MPP7: variants seen among roughly 807,000 people sequenced by gnomAD.
MPP7 encodes MAGUK p55 scaffold protein 7.
In MPP7, 60 loss-of-function variants were observed where a neutral mutation model predicts 76.5. The ratio of observed to expected loss-of-function variants is 0.78; its 90% CI spans 0.64 to 0.97. The LOEUF (loss-of-function observed/expected upper bound fraction) is 0.97, where lower values mean the gene tolerates loss of function less well. Among genes scored for constraint, MPP7 ranks in the 50% least tolerant of loss-of-function variants. The pLI is 0.00. For synonymous variants in MPP7, 237 were observed against 244.5 expected (o/e 0.97, Z 0.29); for missense variants, 641 against 694.0 (o/e 0.92, Z 0.86).
At chr10:28,170,342 T>A (rs185363733) in intron 3 of MPP7, among the ~76,000 whole-genome samples, 184 of 151,914 alleles carry the variant, frequency 1.2e-3, no homozygotes, top group Middle Eastern at 3.4e-3. Context: ...TTTTTTTTAA[T>A]TTTTTTATAT....
At chr10:28,307,297 A>C (rs77096452), upstream of MPP7, among the ~76,000 whole-genome samples, 1,401 of 152,206 alleles carry the variant, frequency 9.2e-3, 21 homozygotes, top group South Asian at 0.058. Flanking sequence ...GCTTCCAGAC[A>C]CCCAGTACCC....
intron 2 of MPP7, among the ~76,000 whole-genome samples, chr10:28,238,242 A>G (rs1211051965): frequency 7.2e-5 from 11 of 152,192 alleles, no homozygotes; most frequent in Admixed American, 6.5e-4. Flanking sequence ...AATGAAGGAT[A>G]ATATGGGTAT....
At chr10:28,109,017 G>A (rs544923312) in intron 11 of MPP7, among the ~76,000 whole-genome samples, 16 of 152,304 alleles carry the variant, frequency 1.1e-4, no homozygotes, top group South Asian at 2.1e-4. Flanking sequence ...GCCAGTCTCG[G>A]TCGCTCACAC....
chr10:28,182,531 G>A (rs1294950456), intron 3 of MPP7, among the ~76,000 whole-genome samples: 1 of 152,208 alleles, frequency 6.6e-6, no homozygotes, highest in African/African-American at 2.4e-5. Context: ...GGGACTGCAT[G>A]TGTGTACAAG....
At chr10:28,276,535 A>G (rs1244597651) in intron 1 of MPP7, among the ~76,000 whole-genome samples, 1 of 152,088 alleles carries the variant, frequency 6.6e-6, no homozygotes, top group African/African-American at 2.4e-5. Flanking sequence ...CAAACAGAAC[A>G]CTATATCACT....
chr10:28,173,143 T>G (rs78687722), intron 3 of MPP7, among the ~76,000 whole-genome samples: 4,570 of 151,632 alleles, frequency 0.03, 86 homozygotes, highest in South Asian at 0.058. Flanking sequence ...GAAGGGAACT[T>G]CTGAAAGGAG....
intron 1 of MPP7, among the ~76,000 whole-genome samples, chr10:28,287,663 T>C (rs1444141900): frequency 6.6e-6 from 1 of 152,230 alleles, no homozygotes; most frequent in African/African-American, 2.4e-5. Context: ...TGCAGGTTTT[T>C]GTATACCAAT....
intron 11 of MPP7, among the ~76,000 whole-genome samples, chr10:28,093,196 G>A (rs1352146689): frequency 6.6e-6 from 1 of 152,104 alleles, no homozygotes; most frequent in African/African-American, 2.4e-5. Flanking sequence ...GGCAATTACA[G>A]AATAAGCAGG....
chr10:28,250,236 G>A (rs1246038282), intron 1 of MPP7, among the ~76,000 whole-genome samples: 1 of 152,132 alleles, frequency 6.6e-6, no homozygotes, highest in African/African-American at 2.4e-5. Context: ...AATGGTGTCT[G>A]TAATTTATGC....
At chr10:28,322,379 A>G (rs1426111820) in intron 2 of MPP7, among the ~76,000 whole-genome samples, 2 of 152,126 alleles carry the variant, frequency 1.3e-5, no homozygotes, top group African/African-American at 4.8e-5. Flanking sequence ...TTTCTAAAAA[A>G]ATAAAATAAA....
In MPP7 at chr10:28,144,936, C is replaced by T. The variant is rs138618401; in HGVS notation, c.315+2547G>A. Among the ~76,000 whole-genome samples, 45 of 152,214 alleles carry T rather than the reference C, an allele frequency of 3.0e-4. 1 individual carries two copies. The East Asian group carries it at 6.9e-3, about 23-fold the overall frequency. On this transcript the variant is annotated intron_variant, in intron 5 of 16. Coordinates refer to ENST00000683449, the MANE Select transcript of MPP7 (RefSeq NM_001318170.2). ...AAGAATAAATGAATGAATGAAGATCCGTTGCTGGTGACATTTATAAACTGC... is the reference window on the plus strand; with the variant it reads ...AAGAATAAATGAATGAATGAAGATCTGTTGCTGGTGACATTTATAAACTGC...
At chr10:28,266,364 C>T (rs538019296) in intron 1 of MPP7, among the ~76,000 whole-genome samples, 106 of 152,250 alleles carry the variant, frequency 7.0e-4, no homozygotes, top group African/African-American at 2.4e-3. Flanking sequence ...AATGCTTTCA[C>T]GGTCCTCAAA....
At chr10:28,219,318 T>C (rs548364837) in intron 2 of MPP7, among the ~76,000 whole-genome samples, 6 of 152,264 alleles carry the variant, frequency 3.9e-5, no homozygotes, top group African/African-American at 1.2e-4. Flanking sequence ...AAAAATATAA[T>C]ATTCTGTACA....
At chr10:28,078,774 T>A (rs1450995904) in intron 12 of MPP7, among the ~76,000 whole-genome samples, 1 of 152,238 alleles carries the variant, frequency 6.6e-6, no homozygotes, top group Non-Finnish European at 1.5e-5. Context: ...AAATTCCTTT[T>A]TATGCATTTA....
intron 2 of MPP7, among the ~76,000 whole-genome samples, chr10:28,218,461 G>A (rs1397254746): frequency 4.6e-5 from 7 of 152,182 alleles, no homozygotes; most frequent in Non-Finnish European, 8.8e-5. Context: ...GCAACAACAG[G>A]TGAGACAGAC....
At chr10:28,325,741 G>T (rs1052538716) in intron 2 of MPP7, among the ~76,000 whole-genome samples, 1 of 151,636 alleles carries the variant, frequency 6.6e-6, no homozygotes, top group Non-Finnish European at 1.5e-5. Flanking sequence ...TGATCCACCT[G>T]ATTCAGCCTC....
chr10:28,113,252 C>T (rs1834559711), intron 11 of MPP7, among the ~76,000 whole-genome samples: 1 of 152,126 alleles, frequency 6.6e-6, no homozygotes, highest in African/African-American at 2.4e-5. Context: ...TTTGGTCCCC[C>T]CATCTCTCTT....
chr10:28,052,130 A>T lies in MPP7; in HGVS notation c.*1935T>A, dbSNP rs776718404. 7.2e-5 allele frequency: 11 copies of T among 152,174 alleles called. No individual in the cohort carries two copies. Among genetic ancestry groups the T allele is most frequent in the East Asian group, 1.9e-4 (1 of 5,184 alleles). The allele number at this position is 152,174 out of a possible 1,614,324, so 9.4% of individuals were successfully genotyped here. The stretch of plus-strand genomic sequence containing the variant: ...TGAAGCAATTATCTGCAATTTTTTT[A>T]AAATGTGGGTATTTCAGGGTAAAGA... On this transcript the variant is annotated 3_prime_UTR_variant, in exon 17 of 17. Transcript: ENST00000683449.
chr10:28,075,600 G>A (rs1852446727), intron 12 of MPP7, among the ~76,000 whole-genome samples: 1 of 152,008 alleles, frequency 6.6e-6, no homozygotes, highest in Non-Finnish European at 1.5e-5. Context: ...TTCCTGAAAC[G>A]TGGCCACTTC....
Sources: allele counts gnomAD v4.1 joint callset (sites outside exome capture counted in the v4.1 genomes callset), GRCh38; gene constraint gnomAD v4.1.1; transcripts MANE v1.5; gene names NCBI Gene and HGNC (gene_info 2026-07-23, HGNC 2026-07-21).